Variants in SLC17A1 observed in about 807,000 individuals in gnomAD.
SLC17A1 encodes sodium-dependent phosphate transport protein 1.
A neutral mutation model predicts 53.5 loss-of-function variants in SLC17A1; 51 were observed. The observed-to-expected ratio is 0.95, with a 90% CI of 0.76 to 1.20. SLC17A1 has a LOEUF of 1.20. Ranked by LOEUF, SLC17A1 falls within the 50% of genes most tolerant of loss-of-function variation. SLC17A1 has a pLI of 0.00. For synonymous variants in SLC17A1, 179 were observed against 198.8 expected, an observed-to-expected ratio of 0.90 and a Z score of 0.84; for missense variants, 538 against 568.2, an observed-to-expected ratio of 0.95 and a Z score of 0.54.
At chr6:25,728,417 G>A in the SLC17A1 span, among the ~76,000 whole-genome samples, 1 of 152,118 alleles carries the variant, frequency 6.6e-6, no homozygotes, top group African/African-American at 2.4e-5. Flanking sequence ...ATTACTTCCT[G>A]GAAACCTGTG....
chr6:25,816,086 G>A (rs1764345733), intron 6 of SLC17A1, among the ~76,000 whole-genome samples: 2 of 152,000 alleles, frequency 1.3e-5, no homozygotes, highest in Non-Finnish European at 2.9e-5. Flanking sequence ...TTGATTTTCG[G>A]TTACAATATA....
chr6:25,789,209 T>C (rs1388278681), intron 12 of SLC17A1, among the ~76,000 whole-genome samples: 1 of 152,148 alleles, frequency 6.6e-6, no homozygotes, highest in Non-Finnish European at 1.5e-5. Flanking sequence ...TGGAATTTTG[T>C]TTTGTGCCAC....
intron 3 of SLC17A1, among the ~76,000 whole-genome samples, chr6:25,825,086 A>G (rs1244960406): frequency 6.6e-6 from 1 of 151,826 alleles, no homozygotes; most frequent in Non-Finnish European, 1.5e-5. Flanking sequence ...TCATCCCTTT[A>G]CTTCTAACTT....
rs1763916466 is a variant in SLC17A1 at position 25,805,311 on chromosome 6, A to G, written c.1179-4331T>C. Among the ~76,000 whole-genome samples the G allele has an allele frequency of 2.0e-5, 3 of 152,078 alleles. No individual in the cohort carries two copies. The South Asian group carries it at 6.2e-4, about 31-fold the overall frequency. The stretch of plus-strand genomic sequence containing the variant: ...CTCCAGAATGGGTTTTGGGTTAACA[A>G]TGAAATCAAGATTGAAATAAATAGT... On this transcript the variant is annotated intron_variant, in intron 10 of 12. Transcript: ENST00000244527.
the SLC17A1 span, among the ~76,000 whole-genome samples, chr6:25,729,295 G>A: frequency 6.6e-6 from 1 of 152,226 alleles, no homozygotes; most frequent in Non-Finnish European, 1.5e-5. Context: ...CATAAAGGCA[G>A]AGAAGTTCCA....
intron 11 of SLC17A1, among the ~76,000 whole-genome samples, chr6:25,800,301 A>G (rs1763716926): frequency 6.6e-6 from 1 of 152,014 alleles, no homozygotes; most frequent in South Asian, 2.1e-4. Flanking sequence ...AGTGTCTTCA[A>G]TGGTCATTTA....
the SLC17A1 span, chr6:25,727,432 C>G: frequency 8.4e-6 from 6 of 713,028 alleles, no homozygotes; most frequent in African/African-American, 1.1e-4. Flanking sequence ...GTCTCACTCT[C>G]CCAGGCTGGA....
intron 3 of SLC17A1, among the ~76,000 whole-genome samples, chr6:25,821,312 G>A (rs549470170): frequency 1.2e-4 from 19 of 152,244 alleles, no homozygotes; most frequent in African/African-American, 3.6e-4. Flanking sequence ...CTCTTGGATG[G>A]AAAAGGACTT....
At chr6:25,821,189 T>C (rs549524146) in intron 3 of SLC17A1, among the ~76,000 whole-genome samples, 14 of 152,176 alleles carry the variant, frequency 9.2e-5, no homozygotes, top group Non-Finnish European at 1.0e-4. Flanking sequence ...TTAAATAAAA[T>C]AGGTAGGAAT....
At chr6:25,823,085 T>G (rs1254873485) in intron 3 of SLC17A1, among the ~76,000 whole-genome samples, 1 of 152,156 alleles carries the variant, frequency 6.6e-6, no homozygotes, top group Non-Finnish European at 1.5e-5. Context: ...CTTATTTCAC[T>G]TGGCATAATT....
At chr6:25,766,577 G>A in the SLC17A1 span, among the ~76,000 whole-genome samples, 5 of 152,078 alleles carry the variant, frequency 3.3e-5, no homozygotes, top group Non-Finnish European at 7.4e-5. Context: ...CTCAAGCCAG[G>A]GCACCAAGAT....
At chr6:25,783,569 T>C (rs1763312397) in intron 12 of SLC17A1, among the ~76,000 whole-genome samples, 1 of 152,154 alleles carries the variant, frequency 6.6e-6, no homozygotes, top group Non-Finnish European at 1.5e-5. Context: ...TGTTGTATCC[T>C]GAAAACAAAA....
chr6:25,829,875 AC>A (rs1475754955), intron 2 of SLC17A1, among the ~76,000 whole-genome samples: 5 of 152,314 alleles, frequency 3.3e-5, no homozygotes, highest in Non-Finnish European at 5.9e-5. Context: ...ATAGAAAAAA[AC>A]ATATATATAT....
chr6:25,732,787 A>T, the SLC17A1 span: 4 of 844,630 alleles, frequency 4.7e-6, no homozygotes, highest in African/African-American at 1.7e-5. Context: ...TGCTGTCCCA[A>T]AGGATTGGGA....
At chr6:25,766,994 G>A in the SLC17A1 span, among the ~76,000 whole-genome samples, 4 of 151,976 alleles carry the variant, frequency 2.6e-5, no homozygotes, top group African/African-American at 9.7e-5. Context: ...TATCACTGCA[G>A]GTTTATTAAT....
chr6:25,740,325 A>C, the SLC17A1 span, among the ~76,000 whole-genome samples: 5 of 152,332 alleles, frequency 3.3e-5, no homozygotes, highest in East Asian at 9.6e-4. Flanking sequence ...AGACAATGGA[A>C]AAAACAAACC....
the SLC17A1 span, chr6:25,726,491 C>G: frequency 1.2e-5 from 19 of 1,612,306 alleles, no homozygotes; most frequent in Non-Finnish European, 1.5e-5. Context: ...TTAGACTTGG[C>G]GCGTGCTTTT....
the SLC17A1 span, chr6:25,726,615 G>C: frequency 1.0e-5 from 15 of 1,471,940 alleles, no homozygotes; most frequent in South Asian, 2.0e-4. Context: ...GTTGGCATTT[G>C]CTATCTGATT....
At chr6:25,770,910 C>T in the SLC17A1 span, 8 of 1,601,396 alleles carry the variant, frequency 5.0e-6, no homozygotes, top group South Asian at 6.6e-5. Context: ...AGAACATCCT[C>T]GCCTCTTCTG....
Sources: allele counts gnomAD v4.1 joint callset (sites outside exome capture counted in the v4.1 genomes callset), GRCh38; gene constraint gnomAD v4.1.1; transcripts MANE v1.5; gene names NCBI Gene and HGNC (gene_info 2026-07-23, HGNC 2026-07-21).